Variants in ZNG1E observed in about 807,000 individuals in gnomAD.
ZNG1E encodes the protein Zn regulated GTPase metalloprotein activator 1E.
chr9:65,709,924 A>C, the ZNG1E span, among the ~76,000 whole-genome samples: 6 of 151,760 alleles, frequency 4.0e-5, no homozygotes, highest in African/African-American at 1.5e-4. Flanking sequence ...CTGAGGAATC[A>C]CCACACTGAC....
chr9:65,659,987 C>T, the ZNG1E span, among the ~76,000 whole-genome samples: 3 of 149,356 alleles, frequency 2.0e-5, no homozygotes, highest in Non-Finnish European at 4.4e-5. Context: ...AAAGAGTTCA[C>T]TCGATGCACA....
chr9:65,658,245 G>A, the ZNG1E span, among the ~76,000 whole-genome samples: 6 of 152,176 alleles, frequency 3.9e-5, no homozygotes, highest in Admixed American at 6.5e-5. Flanking sequence ...TTGCACCCAC[G>A]AACCAGTCTT....
At chr9:65,684,039 G>T in the ZNG1E span, among the ~76,000 whole-genome samples, 40 of 152,234 alleles carry the variant, frequency 2.6e-4, no homozygotes, top group Admixed American at 6.5e-4. Flanking sequence ...CAGCTTTTCA[G>T]AGGAAGAAAG....
the ZNG1E span, among the ~76,000 whole-genome samples, chr9:65,678,541 A>C: frequency 2.1e-4 from 31 of 146,556 alleles, 2 homozygotes; most frequent in African/African-American, 6.9e-4. Context: ...TGTCCAACAA[A>C]AAAAAAAAAG....
At chr9:65,685,043 TAAAA>T in the ZNG1E span, among the ~76,000 whole-genome samples, 816 of 107,400 alleles carry the variant, frequency 7.6e-3, 2 homozygotes, top group African/African-American at 0.016. Context: ...CCCCATTTCT[TAAAA>T]AAAAAAAAAA....
At chr9:65,654,930 T>G in the ZNG1E span, among the ~76,000 whole-genome samples, 4 of 151,900 alleles carry the variant, frequency 2.6e-5, no homozygotes, top group Non-Finnish European at 5.9e-5. Flanking sequence ...CCTAGTGTAG[T>G]TGGGGAGTAA....
the ZNG1E span, among the ~76,000 whole-genome samples, chr9:65,665,482 T>C: frequency 2.0e-5 from 3 of 152,226 alleles, no homozygotes; most frequent in Non-Finnish European, 2.9e-5. Flanking sequence ...TATCAGAAGA[T>C]GTAGAAGTTT....
chr9:65,708,062 G>A, the ZNG1E span: 5 of 150,384 alleles, frequency 3.3e-5, no homozygotes, highest in South Asian at 4.2e-4. Flanking sequence ...GTTTCACCAC[G>A]TTGTCCATGG....
At chr9:65,667,744 C>T in the ZNG1E span, among the ~76,000 whole-genome samples, 3 of 151,820 alleles carry the variant, frequency 2.0e-5, no homozygotes, top group Admixed American at 1.3e-4. Flanking sequence ...ACCTGTAATC[C>T]CAGCACTTTG....
chr9:65,655,094 A>G, the ZNG1E span, among the ~76,000 whole-genome samples: 1 of 151,386 alleles, frequency 6.6e-6, no homozygotes, highest in Admixed American at 6.6e-5. Context: ...GGTGGATAAA[A>G]AGGTAACCAG....
the ZNG1E span, among the ~76,000 whole-genome samples, chr9:65,690,184 T>C: frequency 4.0e-5 from 2 of 49,778 alleles, 1 homozygote; most frequent in Admixed American, 4.3e-4. Context: ...TTGGAATGAG[T>C]TTGATTATCC....
chr9:65,680,289 C>T, the ZNG1E span, among the ~76,000 whole-genome samples: 2 of 152,262 alleles, frequency 1.3e-5, no homozygotes, highest in African/African-American at 2.4e-5. Context: ...CAGTTATATT[C>T]CAGTTATATT....
chr9:65,711,238 T>C, the ZNG1E span, among the ~76,000 whole-genome samples: 41 of 119,318 alleles, frequency 3.4e-4, no homozygotes, highest in African/African-American at 1.4e-3. Context: ...GCTTATCAGC[T>C]TAAGGAGATT....
chr9:65,678,967 A>G, the ZNG1E span, among the ~76,000 whole-genome samples: 1 of 125,612 alleles, frequency 8.0e-6, no homozygotes, highest in Non-Finnish European at 1.6e-5. Flanking sequence ...GTAAATATTT[A>G]TAAAATTTTA....
chr9:65,659,365 C>A, the ZNG1E span, among the ~76,000 whole-genome samples: 1 of 151,160 alleles, frequency 6.6e-6, no homozygotes, highest in African/African-American at 2.5e-5. Flanking sequence ...CGTGGTGGCG[C>A]ATGCCTGTAA....
chr9:65,717,284 T>TAA, the ZNG1E span, among the ~76,000 whole-genome samples: 6 of 149,676 alleles, frequency 4.0e-5, no homozygotes, highest in African/African-American at 1.5e-4. Context: ...AATACAGCCC[T>TAA]AAGCATAAAT....
At chr9:65,714,573 CCTTT>C in the ZNG1E span, among the ~76,000 whole-genome samples, 37 of 152,048 alleles carry the variant, frequency 2.4e-4, no homozygotes, top group Admixed American at 4.6e-4. Flanking sequence ...GTGTGGATGT[CCTTT>C]CTGTTTGTTA....
chr9:65,678,073 T>C, the ZNG1E span, among the ~76,000 whole-genome samples: 1 of 150,968 alleles, frequency 6.6e-6, no homozygotes, highest in Non-Finnish European at 1.5e-5. Context: ...AACCTTTGAA[T>C]GAATGAACTA....
the ZNG1E span, among the ~76,000 whole-genome samples, chr9:65,661,835 G>A: frequency 1.3e-5 from 2 of 152,248 alleles, no homozygotes; most frequent in Admixed American, 6.5e-5. Context: ...TGGGATGATT[G>A]TGGCACAACT....
Sources: allele counts gnomAD v4.1 joint callset (sites outside exome capture counted in the v4.1 genomes callset), GRCh38; gene constraint gnomAD v4.1.1; transcripts MANE v1.5; gene names NCBI Gene and HGNC (gene_info 2026-07-23, HGNC 2026-07-21).